Variants in CLNK observed in about 807,000 individuals in gnomAD.
The protein encoded by CLNK is cytokine dependent hematopoietic cell linker.
CLNK carries 74 observed loss-of-function variants against 68.6 expected under a neutral mutation model. That is an observed-to-expected ratio of 1.08 (90% CI 0.89 to 1.31). The LOEUF (loss-of-function observed/expected upper bound fraction) is 1.31, where lower values mean the gene tolerates loss of function less well. Ranked by LOEUF, CLNK falls within the 50% of genes most tolerant of loss-of-function variation. CLNK has a pLI of 0.00. For synonymous variants in CLNK, 198 were observed against 172.2 expected (o/e 1.15, Z -1.17); for missense variants, 553 against 515.3 (o/e 1.07, Z -0.71).
chr4:10,559,156 T>A (rs1313957056), intron 7 of CLNK, among the ~76,000 whole-genome samples: 2 of 152,102 alleles, frequency 1.3e-5, no homozygotes, highest in Non-Finnish European at 2.9e-5. Context: ...AAGATGAAGA[T>A]CATAAAGGGG....
intron 2 of CLNK, among the ~76,000 whole-genome samples, chr4:10,614,005 A>G (rs1276308258): frequency 1.3e-5 from 2 of 152,192 alleles, no homozygotes; most frequent in African/African-American, 4.8e-5. Context: ...AGTGGCAACC[A>G]CCATACCAAC....
chr4:10,589,099 G>A (rs867143860), intron 3 of CLNK, among the ~76,000 whole-genome samples: 5 of 152,214 alleles, frequency 3.3e-5, no homozygotes, highest in African/African-American at 1.2e-4. Context: ...TGTTCTTGAA[G>A]TATACACACT....
chr4:10,594,621 G>A (rs923552773), intron 3 of CLNK, among the ~76,000 whole-genome samples: 1 of 152,214 alleles, frequency 6.6e-6, no homozygotes, highest in African/African-American at 2.4e-5. Flanking sequence ...TATAGATGTG[G>A]CTGTGCTTTC....
intron 14 of CLNK, among the ~76,000 whole-genome samples, chr4:10,522,766 G>A (rs1006664053): frequency 5.3e-5 from 8 of 152,170 alleles, no homozygotes; most frequent in Admixed American, 2.0e-4. Flanking sequence ...TAGAATAAAT[G>A]TTATGGTAAA....
At chr4:10,552,253 C>A (rs1007752325) in intron 8 of CLNK, among the ~76,000 whole-genome samples, 1 of 152,136 alleles carries the variant, frequency 6.6e-6, no homozygotes, top group Non-Finnish European at 1.5e-5. Flanking sequence ...ACCTTTGGAA[C>A]ACATTCAGGC....
At chr4:10,706,974 G>T in the CLNK span, among the ~76,000 whole-genome samples, 5 of 152,108 alleles carry the variant, frequency 3.3e-5, no homozygotes, top group Non-Finnish European at 7.4e-5. Context: ...TACAGACAGG[G>T]TTTCACCACG....
At chr4:10,577,190 G>C (rs960398875) in intron 4 of CLNK, among the ~76,000 whole-genome samples, 1 of 152,206 alleles carries the variant, frequency 6.6e-6, no homozygotes, top group Non-Finnish European at 1.5e-5. Context: ...AAGCCAGACA[G>C]GTTCCCCAAG....
At chr4:10,524,899 G>A (rs1224330499) in intron 14 of CLNK, among the ~76,000 whole-genome samples, 1 of 152,134 alleles carries the variant, frequency 6.6e-6, no homozygotes, top group Non-Finnish European at 1.5e-5. Context: ...GGCATCTGAC[G>A]AGGCTGCAGT....
intron 7 of CLNK, among the ~76,000 whole-genome samples, chr4:10,564,104 C>CTTTT (rs371222469): frequency 2.9e-5 from 4 of 135,852 alleles, no homozygotes; most frequent in South Asian, 4.6e-4. Flanking sequence ...TAGATTTTTT[C>CTTTT]TTTTTTTTTT....
chr4:10,638,363 C>T (rs1375029468), intron 2 of CLNK, among the ~76,000 whole-genome samples: 1 of 152,190 alleles, frequency 6.6e-6, no homozygotes, highest in Non-Finnish European at 1.5e-5. Context: ...TCTGGGAAAA[C>T]AGCATGCACA....
At chr4:10,618,163 T>C (rs1233397880) in intron 2 of CLNK, among the ~76,000 whole-genome samples, 1 of 152,202 alleles carries the variant, frequency 6.6e-6, no homozygotes, top group Non-Finnish European at 1.5e-5. Context: ...ACAAAATGTA[T>C]ACTCATGCAA....
At chr4:10,532,762 A>G (rs1182374624) in intron 11 of CLNK, among the ~76,000 whole-genome samples, 1 of 152,188 alleles carries the variant, frequency 6.6e-6, no homozygotes, top group Non-Finnish European at 1.5e-5. Context: ...GAGACAGGAG[A>G]AAAACATAAA....
chr4:10,690,389 C>T, the CLNK span, among the ~76,000 whole-genome samples: 445 of 152,190 alleles, frequency 2.9e-3, 5 homozygotes, highest in East Asian at 0.031. Flanking sequence ...TTCCTAGCCT[C>T]GTTTTGTTGC....
rs1049619039 is a variant in CLNK, at chr4:10,650,365, T to C, written c.11+17494A>G. Among the ~76,000 whole-genome samples the C allele has an allele frequency of 5.3e-5, 8 of 151,968 alleles. 1 individual carries two copies. Among genetic ancestry groups the C allele is most frequent in the Admixed American group, 2.6e-4 (4 of 15,256 alleles). The stretch of plus-strand genomic sequence containing the variant: ...GAGATAATGACAGAGTACTGAGAAA[T>C]AGTGAAAAACAACAAAATAGAGAAT... On this transcript the variant is annotated intron_variant, in intron 2 of 18. Coordinates refer to ENST00000226951, the MANE Select transcript of CLNK (RefSeq NM_052964.4).
At chr4:10,500,227 C>A (rs533785250) in intron 18 of CLNK, among the ~76,000 whole-genome samples, 104 of 152,240 alleles carry the variant, frequency 6.8e-4, no homozygotes, top group African/African-American at 2.4e-3. Context: ...CTTCCTTTAC[C>A]CCTTCCTTCA....
chr4:10,680,478 T>C (rs1725055580), intron 1 of CLNK, among the ~76,000 whole-genome samples: 1 of 151,922 alleles, frequency 6.6e-6, no homozygotes. Context: ...GTAACAAACC[T>C]GCACGTTGTG....
chr4:10,665,173 C>G (rs1195168125), intron 2 of CLNK, among the ~76,000 whole-genome samples: 3 of 152,252 alleles, frequency 2.0e-5, no homozygotes, highest in African/African-American at 7.2e-5. Context: ...TGGCTGTCCT[C>G]TGGCCTACGC....
At chr4:10,610,991 C>T (rs565820602) in intron 2 of CLNK, among the ~76,000 whole-genome samples, 26 of 148,422 alleles carry the variant, frequency 1.8e-4, no homozygotes, top group South Asian at 6.5e-4. Context: ...CGAGACCAGC[C>T]GGGGCAACAT....
chr4:10,702,088 C>G, the CLNK span, among the ~76,000 whole-genome samples: 2 of 152,134 alleles, frequency 1.3e-5, no homozygotes, highest in African/African-American at 2.4e-5. Flanking sequence ...AAAGACGTCC[C>G]TAGTTTATTC....
Sources: gnomAD v4.1 joint callset for allele counts (sites outside exome capture counted in the v4.1 genomes callset) on GRCh38, gnomAD v4.1.1 for gene constraint, MANE v1.5 for transcripts, NCBI Gene and HGNC (gene_info 2026-07-23, HGNC 2026-07-21) for gene names.